Variants in HACE1 observed in about 807,000 individuals in gnomAD.
HACE1 encodes E3 ubiquitin-protein ligase HACE1.
HACE1 carries 73 observed loss-of-function variants against 118.4 expected under a neutral mutation model. The observed-to-expected ratio is 0.62, with a 90% CI of 0.51 to 0.75. The LOEUF is 0.75. Among genes scored for constraint, HACE1 ranks in the 30% least tolerant of loss-of-function variants. The probability of loss-of-function intolerance (pLI) is 0.00; values close to 1 mark genes in which losing one functional copy is unlikely to be tolerated. For synonymous variants in HACE1, 368 were observed against 374.8 expected, an observed-to-expected ratio of 0.98 and a Z score of 0.21; for missense variants, 749 against 1,102.2, an observed-to-expected ratio of 0.68 and a Z score of 4.54.
chr6:104,822,333 C>A (rs9322819), intron 6 of HACE1, among the ~76,000 whole-genome samples: 149,056 of 149,450 alleles, frequency 1, 74,332 homozygotes, highest in Middle Eastern at 1. Context: ...CAGTGAGCCG[C>A]GACCACGCCA....
chr6:104,819,450 C>T lies in HACE1; in HGVS notation c.535-8057G>A, dbSNP rs1186637803. 3.9e-5 allele frequency among the ~76,000 whole-genome samples: 6 copies of T among 152,202 alleles called. No individual in the cohort carries two copies. In the East Asian group the frequency reaches 5.8e-4, roughly 15 times the overall value. On this transcript the variant is annotated intron_variant, in intron 6 of 23. Transcript: ENST00000262903. ...ACAGGAAGAATCAGTATCAATAAAA[C>T]GGCTACACTAACCAAAGCAATTTAT...
rs187594449 is a variant in HACE1, at chr6:104,760,574, C to G, written c.2212-10102G>C. 5.0e-3 allele frequency among the ~76,000 whole-genome samples: 761 copies of G among 152,160 alleles called. 4 individuals are homozygous for G. Among genetic ancestry groups the G allele is most frequent in the African/African-American group, 0.018 (729 of 41,518 alleles). ...GTAATAAGAGCTATTTATGACAAAC[C>G]CACAGCCAATATCATACTGAATAGG... On this transcript the variant is annotated intron_variant, in intron 19 of 23. Coordinates refer to ENST00000262903, the MANE Select transcript of HACE1 (RefSeq NM_020771.4).
Position 104,795,593 on chromosome 6 carries a change from AC to A in HACE1, c.908del (p.Gly303ValfsTer15). On this transcript the variant is annotated frameshift_variant, in exon 10 of 24. Coordinates refer to ENST00000262903, the MANE Select transcript of HACE1 (RefSeq NM_020771.4). LOFTEE classifies it high-confidence loss of function. The part of the protein sequence containing the change: ...TSLAEVATTN[G>X]HKLLSLSSNY... ...GAAACACTTACCTAAGCAGTTTATG[AC>A]CATTTGTTGTAGCAACTTCAGCAAG... 1 of 1,600,340 alleles carries A rather than the reference AC, an allele frequency of 6.2e-7. No individual in the cohort carries two copies. The highest frequency in any genetic ancestry group is 8.6e-7 in the Non-Finnish European group (1 of 1,167,580).
At chr6:104,854,204 C>T (rs1776507223) in intron 1 of HACE1, among the ~76,000 whole-genome samples, 1 of 152,120 alleles carries the variant, frequency 6.6e-6, no homozygotes, top group Non-Finnish European at 1.5e-5. Flanking sequence ...AGTCTCACGA[C>T]CGTTAAACAC....
chr6:104,790,690 G>A (rs905075195), intron 11 of HACE1, among the ~76,000 whole-genome samples: 3 of 152,200 alleles, frequency 2.0e-5, no homozygotes, highest in African/African-American at 7.2e-5. Flanking sequence ...GGGAGGTAGA[G>A]GCTGCAGTCA....
At chr6:104,786,824 T>G (rs1167781075) in intron 11 of HACE1, 1 of 152,132 alleles carries the variant, frequency 6.6e-6, no homozygotes, top group Admixed American at 6.6e-5. Context: ...TACAGAATGC[T>G]ACAAACTACA....
intron 22 of HACE1, among the ~76,000 whole-genome samples, chr6:104,738,925 C>T (rs1451682984): frequency 1.3e-5 from 2 of 150,666 alleles, no homozygotes; most frequent in East Asian, 1.9e-4. Flanking sequence ...AGAGAAAGGT[C>T]GGGTTACCCT....
chr6:104,850,877 G>A, intron 3 of HACE1, 30 bp downstream of exon 3: 1 of 1,298,772 alleles, frequency 7.7e-7, no homozygotes, highest in South Asian at 1.2e-5. Flanking sequence ...CCCTAGATCA[G>A]AGTTTAACTC....
chr6:104,816,818 AC>A (rs969876235), intron 6 of HACE1, among the ~76,000 whole-genome samples: 1 of 152,214 alleles, frequency 6.6e-6, no homozygotes, highest in African/African-American at 2.4e-5. Flanking sequence ...CTGCTGAGCC[AC>A]AGGGGTGGAG....
intron 9 of HACE1, among the ~76,000 whole-genome samples, chr6:104,796,094 T>C (rs1034452511): frequency 5.3e-5 from 8 of 152,116 alleles, no homozygotes; most frequent in African/African-American, 1.9e-4. Flanking sequence ...GGGAATATTA[T>C]TATTTTATTT....
chr6:104,769,649 C>T (rs1037740116), intron 19 of HACE1, among the ~76,000 whole-genome samples: 6 of 152,082 alleles, frequency 3.9e-5, no homozygotes, highest in African/African-American at 1.2e-4. Flanking sequence ...AGTTCTTCCT[C>T]GACACAATTA....
At chr6:104,837,441 A>C (rs994737057) in intron 5 of HACE1, among the ~76,000 whole-genome samples, 1 of 152,210 alleles carries the variant, frequency 6.6e-6, no homozygotes, top group Non-Finnish European at 1.5e-5. Flanking sequence ...CATAGGCAGA[A>C]AAAAAAGAGT....
chr6:104,826,845 T>C (rs538633504), intron 6 of HACE1, among the ~76,000 whole-genome samples: 1 of 152,062 alleles, frequency 6.6e-6, no homozygotes, highest in East Asian at 1.9e-4. Context: ...ACCCCTTCTC[T>C]CCCCACCAAA....
chr6:104,843,127 C>A, intron 5 of HACE1, 96 bp downstream of exon 5: 2 of 772,096 alleles, frequency 2.6e-6, no homozygotes, highest in South Asian at 1.4e-5. Context: ...AAGTAACTTG[C>A]AGAAACACTT....
At chr6:104,764,558 T>G (rs1562317849) in intron 19 of HACE1, among the ~76,000 whole-genome samples, 1 of 152,190 alleles carries the variant, frequency 6.6e-6, no homozygotes, top group Non-Finnish European at 1.5e-5. Context: ...ACTAACATGA[T>G]TTCTTGTTCT....
intron 6 of HACE1, among the ~76,000 whole-genome samples, chr6:104,830,704 C>T (rs547341073): frequency 1.1e-4 from 16 of 150,828 alleles, no homozygotes; most frequent in African/African-American, 3.9e-4. Flanking sequence ...ATGGTACTGA[C>T]TTTGAGTTGG....
chr6:104,768,455 A>C (rs1780240314), intron 19 of HACE1, among the ~76,000 whole-genome samples: 1 of 152,172 alleles, frequency 6.6e-6, no homozygotes, highest in Non-Finnish European at 1.5e-5. Flanking sequence ...TAAACTGAAT[A>C]TCTTAACAAT....
At position 104,809,886 on chromosome 6, in the gene HACE1, A is replaced by T. The variant is rs898615330; in HGVS notation, c.617+1425T>A. Among the ~76,000 whole-genome samples, 20 of 152,040 alleles carry T rather than the reference A, an allele frequency of 1.3e-4. No homozygotes were observed. In the East Asian group the frequency reaches 1.9e-3, roughly 15 times the overall value. On this transcript the variant is annotated intron_variant, in intron 7 of 23. Transcript: ENST00000262903. ...AAGTTCACAAAGAGAGAGAGAGAGA[A>T]ATAAAAAATAACCTAATTATTTCTA...
chr6:104,738,562 G>T (rs1047781172), intron 22 of HACE1, among the ~76,000 whole-genome samples: 2 of 149,396 alleles, frequency 1.3e-5, no homozygotes, highest in African/African-American at 5.1e-5. Flanking sequence ...GGAAGAAAGG[G>T]TATCAGCGAT....
Sources: allele counts gnomAD v4.1 joint callset (sites outside exome capture counted in the v4.1 genomes callset), GRCh38; gene constraint gnomAD v4.1.1; transcripts MANE v1.5; gene names NCBI Gene and HGNC (gene_info 2026-07-23, HGNC 2026-07-21).